Variants in XRCC4 observed in about 807,000 individuals in gnomAD.
The protein encoded by XRCC4 is DNA repair protein XRCC4.
Under a neutral mutation model 39.1 loss-of-function variants are expected in XRCC4, and 28 were observed. The observed-to-expected ratio is 0.72, with a 90% confidence interval of 0.53 to 0.98. The LOEUF (loss-of-function observed/expected upper bound fraction) is 0.98. Among genes scored for constraint, XRCC4 ranks in the 50% least tolerant of loss-of-function variants. The pLI is 0.00. For synonymous variants in XRCC4, 123 were observed against 126.4 expected, an observed-to-expected ratio of 0.97 and a Z score of 0.18; for missense variants, 350 against 376.4, an observed-to-expected ratio of 0.93 and a Z score of 0.58.
chr5:83,142,494 A>G (rs900389149), intron 3 of XRCC4, among the ~76,000 whole-genome samples: 17 of 152,194 alleles, frequency 1.1e-4, no homozygotes, highest in Non-Finnish European at 1.5e-5. Context: ...TTAAATGTTA[A>G]TTTAGTTGAT....
intron 7 of XRCC4, among the ~76,000 whole-genome samples, chr5:83,271,872 T>C (rs542314599): frequency 6.6e-6 from 1 of 152,306 alleles, no homozygotes; most frequent in Non-Finnish European, 1.5e-5. Flanking sequence ...CTTTCTATTA[T>C]GTGAGCACTG....
intron 3 of XRCC4, among the ~76,000 whole-genome samples, chr5:83,149,599 T>C (rs1748613669): frequency 6.6e-6 from 1 of 152,188 alleles, no homozygotes; most frequent in African/African-American, 2.4e-5. Context: ...TGATTCAATA[T>C]TTTGAAATAT....
chr5:83,091,437 C>T (rs13161038), intron 1 of XRCC4, among the ~76,000 whole-genome samples: 42,687 of 152,054 alleles, frequency 0.28, 6,127 homozygotes, highest in Middle Eastern at 0.4. Context: ...CACCTCCCAC[C>T]AGGTCCTAGG....
intron 7 of XRCC4, among the ~76,000 whole-genome samples, chr5:83,265,676 A>G (rs1210309239): frequency 1.3e-5 from 2 of 152,172 alleles, no homozygotes; most frequent in East Asian, 3.8e-4. Context: ...AGTATACAAA[A>G]AGGACAAAAA....
At position 83,208,770 on chromosome 5, in the gene XRCC4, A is replaced by G. The variant is rs73134640; in HGVS notation, c.745+3849A>G. Among the ~76,000 whole-genome samples the G allele has an allele frequency of 2.3e-3, 356 of 152,146 alleles. 2 individuals carry two copies. Among genetic ancestry groups the G allele is most frequent in the African/African-American group, 8.4e-3 (350 of 41,534 alleles). ...CACAGTCAATATCACCGCATACTAC[A>G]TTTTATATTTTTCCATAGCAAGATT... On this transcript the variant is annotated intron_variant, in intron 6 of 7. Coordinates refer to ENST00000396027, the MANE Select transcript of XRCC4 (RefSeq NM_003401.5).
chr5:83,158,431 T>C (rs995117174), intron 3 of XRCC4, among the ~76,000 whole-genome samples: 1 of 152,134 alleles, frequency 6.6e-6, no homozygotes, highest in East Asian at 1.9e-4. Context: ...CTTTAATTAA[T>C]GTAAGATCAG....
chr5:83,254,426 G>A lies in XRCC4; in HGVS notation c.746-4104G>A, dbSNP rs561254099. On this transcript the variant is annotated intron_variant, in intron 6 of 7. Coordinates refer to ENST00000396027, the MANE Select transcript of XRCC4 (RefSeq NM_003401.5). ...CTTTGAACATTTGCCATTTTTTTCC[G>A]ACTCTATTCAAGTTCTCTCTCATAT... Among the ~76,000 whole-genome samples the A allele has an allele frequency of 6.6e-5, 10 of 151,866 alleles. No homozygotes were observed. In the South Asian group the frequency reaches 1.0e-3, roughly 16 times the overall value.
intron 3 of XRCC4, among the ~76,000 whole-genome samples, chr5:83,187,739 C>A (rs1750517664): frequency 6.6e-6 from 1 of 152,174 alleles, no homozygotes; most frequent in Non-Finnish European, 1.5e-5. Context: ...ATGATAGATT[C>A]TGTATCTTAT....
At chr5:83,320,231 T>G (rs1756011422) in intron 7 of XRCC4, among the ~76,000 whole-genome samples, 1 of 130,812 alleles carries the variant, frequency 7.6e-6, no homozygotes, top group Non-Finnish European at 1.6e-5. Context: ...GGGGGAGGGA[T>G]AGCATTGGGA....
the XRCC4 span, among the ~76,000 whole-genome samples, chr5:83,365,534 AG>A: frequency 6.6e-6 from 1 of 152,062 alleles, no homozygotes; most frequent in Admixed American, 6.5e-5. Flanking sequence ...TAGTCCCAGA[AG>A]GGTGAGACAC....
chr5:83,078,755 A>G (rs28383127), intron 1 of XRCC4, among the ~76,000 whole-genome samples: 1 of 152,248 alleles, frequency 6.6e-6, no homozygotes, highest in South Asian at 2.1e-4. Flanking sequence ...ATTGCAGCAT[A>G]GGAACAAAGA....
intron 7 of XRCC4, among the ~76,000 whole-genome samples, chr5:83,293,490 T>A (rs28360279): frequency 0.02 from 2,970 of 152,102 alleles, 84 homozygotes; most frequent in African/African-American, 0.068. Context: ...AAAATTCTTA[T>A]TCCTTCACAT....
intron 5 of XRCC4, 21 bp from the exon 6 acceptor site, chr5:83,204,794 T>C: frequency 6.3e-7 from 1 of 1,592,432 alleles, no homozygotes; most frequent in Non-Finnish European, 8.6e-7. Flanking sequence ...TATTTATAAT[T>C]CTACCTTTCT....
In XRCC4 at chr5:83,253,744, C is replaced by T. The variant is rs151287866; in HGVS notation, c.746-4786C>T. On this transcript the variant is annotated intron_variant, in intron 6 of 7. Coordinates refer to ENST00000396027, the MANE Select transcript of XRCC4 (RefSeq NM_003401.5). The stretch of plus-strand genomic sequence containing the variant: ...TAATGAGATTTAAAGATTTCTTGGT[C>T]AGAGGCTGAAGTTTACCAGGTAATT... 3.8e-3 allele frequency among the ~76,000 whole-genome samples: 575 copies of T among 152,252 alleles called. 6 individuals carry two copies. Among genetic ancestry groups the T allele is most frequent in the African/African-American group, 0.013 (549 of 41,542 alleles).
intron 3 of XRCC4, among the ~76,000 whole-genome samples, chr5:83,161,709 ATTTGT>A (rs1201409098): frequency 6.6e-6 from 1 of 152,208 alleles, no homozygotes; most frequent in Non-Finnish European, 1.5e-5. Flanking sequence ...CAATCAACAT[ATTTGT>A]TCGTCTTGTT....
intron 7 of XRCC4, among the ~76,000 whole-genome samples, chr5:83,348,483 G>A (rs1208329422): frequency 6.6e-6 from 1 of 152,224 alleles, no homozygotes; most frequent in Non-Finnish European, 1.5e-5. Flanking sequence ...CAAGCTGCAT[G>A]TTGGCCCCTT....
chr5:83,107,492 T>C (rs11951257), intron 2 of XRCC4, among the ~76,000 whole-genome samples: 73,708 of 151,552 alleles, frequency 0.49, 18,723 homozygotes, highest in African/African-American at 0.62. Context: ...TAATCTCCCC[T>C]ACACTAAACT....
intron 3 of XRCC4, among the ~76,000 whole-genome samples, chr5:83,130,181 C>T (rs1025921631): frequency 1.9e-4 from 26 of 139,692 alleles, no homozygotes; most frequent in Admixed American, 1.7e-3. Flanking sequence ...GCATGAAGAG[C>T]TGTTGAATTT....
At chr5:83,140,165 A>G (rs999732330) in intron 3 of XRCC4, among the ~76,000 whole-genome samples, 2 of 152,062 alleles carry the variant, frequency 1.3e-5, no homozygotes, top group South Asian at 2.1e-4. Flanking sequence ...GAATTGACTC[A>G]TATGATCACA....
Sources: gnomAD v4.1 joint callset for allele counts (sites outside exome capture counted in the v4.1 genomes callset) on GRCh38, gnomAD v4.1.1 for gene constraint, MANE v1.5 for transcripts, NCBI Gene and HGNC (gene_info 2026-07-23, HGNC 2026-07-21) for gene names.